Variants in PEPD observed in about 807,000 individuals in gnomAD.
PEPD encodes xaa-Pro dipeptidase.
Under a neutral mutation model 60.7 loss-of-function variants are expected in PEPD, and 53 were observed. That is an observed-to-expected ratio of 0.87 (90% CI 0.70 to 1.10). The LOEUF is 1.10. Among genes scored for constraint, PEPD ranks in the 50% least tolerant of loss-of-function variants. The pLI is 0.00. For synonymous variants in PEPD, 267 were observed against 284.1 expected (o/e 0.94, Z 0.60); for missense variants, 711 against 711.9 (o/e 1.00, Z 0.01).
intron 7 of PEPD, among the ~76,000 whole-genome samples, chr19:33,476,526 G>A (rs996194788): frequency 2.6e-4 from 39 of 152,096 alleles, no homozygotes; most frequent in African/African-American, 8.2e-4. Flanking sequence ...TCTTGACTGC[G>A]GCTTCACCAC....
intron 1 of PEPD, among the ~76,000 whole-genome samples, chr19:33,518,883 C>T (rs951724710): frequency 1.3e-5 from 2 of 152,032 alleles, no homozygotes; most frequent in Admixed American, 6.6e-5. Flanking sequence ...AACCTTTACC[C>T]GAGGGCTGGG....
intron 7 of PEPD, among the ~76,000 whole-genome samples, chr19:33,466,538 A>T (rs1970020006): frequency 6.6e-6 from 1 of 152,258 alleles, no homozygotes; most frequent in African/African-American, 2.4e-5. Context: ...GCTAACCACC[A>T]ACACAAGCGA....
Position 33,512,894 on chromosome 19 carries a change from G to A in PEPD, c.18-118C>T, listed in dbSNP as rs555113043. 127 of 1,097,062 alleles carry A rather than the reference G, an allele frequency of 1.2e-4. 1 individual carries two copies. In the East Asian group the frequency reaches 1.4e-3, roughly 12 times the overall value. The allele number at this position is 1,097,062 out of a possible 1,614,324, so 68.0% of individuals were successfully genotyped here. A position where few individuals can be genotyped will look rare whatever the true frequency, so the allele number is the denominator to read the frequency against. On this transcript the variant is annotated intron_variant, in intron 1 of 14. Transcript: ENST00000244137. ...CCTGCCGTGGGACCCCCATCAGCAC[G>A]GGGCAAGCTGCCCAAGCTCCACCTA...
At chr19:33,434,369 G>T (rs979943396) in intron 9 of PEPD, among the ~76,000 whole-genome samples, 1 of 152,136 alleles carries the variant, frequency 6.6e-6, no homozygotes, top group Non-Finnish European at 1.5e-5. Context: ...GTTTTGTGTG[G>T]ACGCTGCCAG....
chr19:33,477,809 T>C lies in PEPD; in HGVS notation c.548+237A>G, dbSNP rs3786911. On this transcript the variant is annotated intron_variant, in intron 7 of 14. Transcript: ENST00000244137. ...ACTTATGGTAGGAGTTTTTGTAAGA[T>C]TGCAAATAAGGGAAATAAGTTTAAC... 0.081 allele frequency among the ~76,000 whole-genome samples: 12,267 copies of C among 152,198 alleles called. 699 individuals carry two copies. The highest frequency in any genetic ancestry group is 0.17 in the Admixed American group (2,657 of 15,278).
intron 9 of PEPD, among the ~76,000 whole-genome samples, chr19:33,449,467 A>C (rs1013560834): frequency 2.0e-5 from 3 of 152,220 alleles, no homozygotes; most frequent in African/African-American, 7.2e-5. Flanking sequence ...TCACCGGAGA[A>C]GCCTGCGCCA....
At chr19:33,502,616 C>T (rs2145337641) in intron 3 of PEPD, among the ~76,000 whole-genome samples, 1 of 152,218 alleles carries the variant, frequency 6.6e-6, no homozygotes, top group East Asian at 1.9e-4. Flanking sequence ...TTCACTTTAG[C>T]CTCTGATTGG....
intron 9 of PEPD, among the ~76,000 whole-genome samples, chr19:33,440,695 C>A (rs1969465725): frequency 6.6e-6 from 1 of 152,206 alleles, no homozygotes; most frequent in African/African-American, 2.4e-5. Context: ...CTACTGCCGT[C>A]CCCGCTTTTA....
rs971291145 is a variant in PEPD, at chr19:33,415,386, G to A, written c.672-1743C>T. Among the ~76,000 whole-genome samples, 8 of 152,142 alleles carry A rather than the reference G, an allele frequency of 5.3e-5. No homozygotes were observed. The East Asian group carries it at 5.8e-4, about 11-fold the overall frequency. ...CTCACATATTCTACAAGAAAGGAGC[G>A]GCAGGCCGGGCGCAGTGGCTCACAC... On this transcript the variant is annotated intron_variant, in intron 9 of 14. Coordinates refer to ENST00000244137, the MANE Select transcript of PEPD (RefSeq NM_000285.4).
At chr19:33,399,881 C>T (rs1021496360) in intron 12 of PEPD, among the ~76,000 whole-genome samples, 5 of 152,130 alleles carry the variant, frequency 3.3e-5, no homozygotes, top group Admixed American at 6.5e-5. Flanking sequence ...CAGAGCTGGC[C>T]AGGCCCGCTC....
At chr19:33,392,756 T>A (rs368431769) in intron 12 of PEPD, among the ~76,000 whole-genome samples, 104 of 152,222 alleles carry the variant, frequency 6.8e-4, no homozygotes, top group African/African-American at 2.5e-3. Flanking sequence ...GACCCTGAGC[T>A]GGCGAGGGCT....
chr19:33,442,661 A>C (rs1329920671), intron 9 of PEPD, among the ~76,000 whole-genome samples: 1 of 152,052 alleles, frequency 6.6e-6, no homozygotes, highest in Non-Finnish European at 1.5e-5. Context: ...GTGAGCCGAG[A>C]TTGTGCCACT....
intron 9 of PEPD, among the ~76,000 whole-genome samples, chr19:33,456,144 G>C (rs1969794993): frequency 6.6e-6 from 1 of 152,120 alleles, no homozygotes; most frequent in African/African-American, 2.4e-5. Context: ...CCCACAGCCT[G>C]ACCCCGCTGA....
chr19:33,464,668 G>A (rs1404412705), intron 7 of PEPD, among the ~76,000 whole-genome samples: 1 of 152,188 alleles, frequency 6.6e-6, no homozygotes, highest in Admixed American at 6.5e-5. Context: ...CAGATGAGAG[G>A]GTGGTCTACG....
At chr19:33,465,574 T>C (rs1489276765) in intron 7 of PEPD, among the ~76,000 whole-genome samples, 4 of 152,094 alleles carry the variant, frequency 2.6e-5, no homozygotes. Context: ...TGAGATGCCC[T>C]TGTGACAGCA....
At chr19:33,482,497 G>A (rs1265167793) in intron 6 of PEPD, among the ~76,000 whole-genome samples, 1 of 152,202 alleles carries the variant, frequency 6.6e-6, no homozygotes, top group Non-Finnish European at 1.5e-5. Context: ...ATAGCATACT[G>A]AATGGTAAAA....
chr19:33,429,996 C>T (rs913729688), intron 9 of PEPD, among the ~76,000 whole-genome samples: 91 of 152,248 alleles, frequency 6.0e-4, no homozygotes, highest in African/African-American at 2.1e-3. Flanking sequence ...GTGGGCACAC[C>T]GGCACTCATG....
intron 9 of PEPD, among the ~76,000 whole-genome samples, chr19:33,433,550 C>T (rs909674429): frequency 6.6e-6 from 1 of 152,202 alleles, no homozygotes; most frequent in African/African-American, 2.4e-5. Context: ...CTCCTGGGGT[C>T]TTTTTATTAA....
intron 7 of PEPD, among the ~76,000 whole-genome samples, chr19:33,468,315 G>A (rs1484842529): frequency 6.6e-6 from 1 of 152,266 alleles, no homozygotes; most frequent in African/African-American, 2.4e-5. Context: ...GATCAGCAAA[G>A]CTGGAGTGTC....
Sources: allele counts gnomAD v4.1 joint callset (sites outside exome capture counted in the v4.1 genomes callset), GRCh38; gene constraint gnomAD v4.1.1; transcripts MANE v1.5; gene names NCBI Gene and HGNC (gene_info 2026-07-23, HGNC 2026-07-21).